SHC3: variants seen among roughly 807,000 people sequenced by gnomAD.
The protein encoded by SHC3 is SHC-transforming protein 3.
In SHC3, 15 loss-of-function variants were observed where a neutral mutation model predicts 60.4. The ratio of observed to expected loss-of-function variants is 0.25; its 90% confidence interval spans 0.17 to 0.38. The LOEUF (loss-of-function observed/expected upper bound fraction) is 0.38. SHC3 is among the 10% of genes least tolerant of loss of function. SHC3 has a pLI of 1.00. For synonymous variants in SHC3, 294 were observed against 325.9 expected (o/e 0.90, Z 1.05); for missense variants, 677 against 786.1 (o/e 0.86, Z 1.66).
rs146541811 is a variant in SHC3, at chr9:89,079,091, C to T, written c.546-1188G>A. Among the ~76,000 whole-genome samples the T allele has an allele frequency of 1.8e-4, 28 of 152,282 alleles. No individual in the cohort carries two copies. In the East Asian group the frequency reaches 5.2e-3, roughly 28 times the overall value. On this transcript the variant is annotated intron_variant, in intron 2 of 11. Transcript: ENST00000375835. ...AGGGAAGGAAACATTTTCCTAAAAG[C>T]TCAGATGCCAGGAAAACCGTAGGCA...
At chr9:89,146,357 C>T (rs1360501822) in intron 1 of SHC3, among the ~76,000 whole-genome samples, 1 of 145,800 alleles carries the variant, frequency 6.9e-6, no homozygotes, top group African/African-American at 2.6e-5. Context: ...ACTTTGTCTC[C>T]AAAAACAAAA....
At chr9:89,064,115 ACAAG>A (rs1825136028) in intron 6 of SHC3, among the ~76,000 whole-genome samples, 1 of 152,218 alleles carries the variant, frequency 6.6e-6, no homozygotes, top group Non-Finnish European at 1.5e-5. Context: ...AAACCCATTC[ACAAG>A]GCTTCCCCCT....
chr9:89,064,400 C>T (rs1036425750), intron 6 of SHC3, among the ~76,000 whole-genome samples: 12 of 152,108 alleles, frequency 7.9e-5, no homozygotes, highest in African/African-American at 2.7e-4. Flanking sequence ...CATGTGGAAT[C>T]GATCCTGATT....
At chr9:89,175,169 C>T (rs995595740) in intron 1 of SHC3, among the ~76,000 whole-genome samples, 5 of 152,084 alleles carry the variant, frequency 3.3e-5, no homozygotes, top group South Asian at 2.1e-4. Flanking sequence ...CTTTCTTTTA[C>T]GTCACCAAAA....
chr9:89,117,321 A>G (rs1826032312), intron 1 of SHC3, among the ~76,000 whole-genome samples: 1 of 152,120 alleles, frequency 6.6e-6, no homozygotes, highest in Non-Finnish European at 1.5e-5. Context: ...TGCAGTGTCA[A>G]TTTTTTGAAT....
intron 1 of SHC3, among the ~76,000 whole-genome samples, chr9:89,174,494 A>C (rs1826914554): frequency 6.6e-6 from 1 of 152,222 alleles, no homozygotes; most frequent in Non-Finnish European, 1.5e-5. Flanking sequence ...GGTGTTTATG[A>C]ATGGCGTAAT....
At chr9:89,053,346 G>A (rs1325057837) in intron 6 of SHC3, among the ~76,000 whole-genome samples, 1 of 152,234 alleles carries the variant, frequency 6.6e-6, no homozygotes, top group East Asian at 1.9e-4. Flanking sequence ...TGATTAGGGA[G>A]ACACTGAACT....
At chr9:89,160,204 C>T (rs1826683793) in intron 1 of SHC3, among the ~76,000 whole-genome samples, 4 of 152,182 alleles carry the variant, frequency 2.6e-5, no homozygotes, top group African/African-American at 7.2e-5. Context: ...GGCACATCTT[C>T]CCCATCCCCT....
intron 1 of SHC3, among the ~76,000 whole-genome samples, chr9:89,115,301 T>C (rs867756653): frequency 6.6e-6 from 1 of 152,154 alleles, no homozygotes; most frequent in East Asian, 1.9e-4. Context: ...TCACAGAATA[T>C]TGTGAATACC....
chr9:89,102,950 C>T (rs1434133480), intron 2 of SHC3, among the ~76,000 whole-genome samples: 1 of 152,138 alleles, frequency 6.6e-6, no homozygotes, highest in Non-Finnish European at 1.5e-5. Flanking sequence ...AAAAGTAAAT[C>T]CAACTGTGGC....
At chr9:89,052,769 G>A (rs17526378) in intron 6 of SHC3, among the ~76,000 whole-genome samples, 12,270 of 152,290 alleles carry the variant, frequency 0.081, 664 homozygotes, top group Admixed American at 0.12. Flanking sequence ...CATGACACAT[G>A]CATCTACGTA....
chr9:89,150,355 C>T (rs1826528698), intron 1 of SHC3, among the ~76,000 whole-genome samples: 1 of 152,114 alleles, frequency 6.6e-6, no homozygotes. Flanking sequence ...CCCTTAACAA[C>T]CACTCCCCAT....
intron 2 of SHC3, chr9:89,110,274 C>T (rs1825927330): frequency 1.0e-6 from 1 of 984,700 alleles, no homozygotes; most frequent in Non-Finnish European, 1.2e-6. Flanking sequence ...TTAAATTAAA[C>T]AGATAATTAG....
At chr9:89,140,344 C>G (rs11525128) in intron 1 of SHC3, among the ~76,000 whole-genome samples, 3 of 151,682 alleles carry the variant, frequency 2.0e-5, no homozygotes, top group Admixed American at 6.6e-5. Context: ...TTCCCCCCCC[C>G]AGATTAAGGG....
chr9:89,148,095 A>C (rs1826495980), intron 1 of SHC3, among the ~76,000 whole-genome samples: 1 of 152,230 alleles, frequency 6.6e-6, no homozygotes, highest in Non-Finnish European at 1.5e-5. Context: ...TAATGCAGGA[A>C]TCTCATGAAT....
intron 1 of SHC3, among the ~76,000 whole-genome samples, chr9:89,137,023 T>G (rs1463544174): frequency 6.6e-6 from 1 of 151,956 alleles, no homozygotes; most frequent in Non-Finnish European, 1.5e-5. Context: ...TGGAGCAGGA[T>G]GGAGAGAGAG....
chr9:89,127,523 A>G (rs1826181710), intron 1 of SHC3, among the ~76,000 whole-genome samples: 2 of 152,156 alleles, frequency 1.3e-5, no homozygotes, highest in Non-Finnish European at 2.9e-5. Context: ...AACCCCAGGA[A>G]TTAAAAGTGG....
At chr9:89,060,334 G>T (rs866921214) in intron 6 of SHC3, among the ~76,000 whole-genome samples, 2 of 151,240 alleles carry the variant, frequency 1.3e-5, no homozygotes, top group African/African-American at 4.9e-5. Flanking sequence ...TAGGACAGTC[G>T]TGGAGGACAT....
At chr9:89,028,394 C>A (rs1022541789) in intron 11 of SHC3, among the ~76,000 whole-genome samples, 2 of 151,494 alleles carry the variant, frequency 1.3e-5, no homozygotes, top group East Asian at 1.9e-4. Context: ...AGAGAAAGAT[C>A]ATGATGAGCA....
Sources: gnomAD v4.1 joint callset for allele counts (sites outside exome capture counted in the v4.1 genomes callset) on GRCh38, gnomAD v4.1.1 for gene constraint, MANE v1.5 for transcripts, NCBI Gene and HGNC (gene_info 2026-07-23, HGNC 2026-07-21) for gene names.